Variants in UBN2 observed in about 807,000 individuals in gnomAD.
The protein encoded by UBN2 is ubinuclein-2.
Under a neutral mutation model 120.2 loss-of-function variants are expected in UBN2, and 35 were observed. The observed-to-expected ratio is 0.29, with a 90% CI of 0.22 to 0.39. The LOEUF is 0.39. Ranked by LOEUF, UBN2 falls within the 10% of genes least tolerant of loss-of-function variation. UBN2 has a pLI of 1.00. For missense variants in UBN2, 1,693 were observed against 1,663.2 expected (o/e 1.02, Z -0.31); for synonymous variants, 661 against 648.7 (o/e 1.02, Z -0.29).
rs1483856459 is a variant in UBN2, at chr7:139,300,970, A to AT, written c.*3138dup. The AT allele has an allele frequency of 1.3e-5, 2 of 152,202 alleles. No homozygotes were observed. Among genetic ancestry groups the AT allele is most frequent in the Non-Finnish European group, 2.9e-5 (2 of 68,030 alleles). 9.4% of individuals were successfully genotyped at this position (152,202 alleles called of 1,614,324 possible). On this transcript the variant is annotated 3_prime_UTR_variant, in exon 18 of 18. Transcript: ENST00000473989. The stretch of plus-strand genomic sequence containing the variant: ...AGGTCAGAGGGTAAATGAAATCGTG[A>AT]TTTTAAAACAGCCTGAAGAAAAAGG...
At chr7:139,315,922 C>T in the UBN2 span, among the ~76,000 whole-genome samples, 1 of 151,648 alleles carries the variant, frequency 6.6e-6, no homozygotes, top group Non-Finnish European at 1.5e-5. Context: ...ACTAAAAACA[C>T]AAAAATTAGC....
At chr7:139,324,417 G>A in the UBN2 span, among the ~76,000 whole-genome samples, 2 of 151,952 alleles carry the variant, frequency 1.3e-5, no homozygotes, top group East Asian at 2.0e-4. Context: ...ATAGCTGGGC[G>A]CAGTGGCAGG....
the UBN2 span, among the ~76,000 whole-genome samples, chr7:139,318,852 T>C: frequency 1.3e-5 from 2 of 152,148 alleles, no homozygotes; most frequent in Non-Finnish European, 2.9e-5. Context: ...CACAAATTCA[T>C]GCGCGTGGTA....
In UBN2 at chr7:139,291,872, A is replaced by T. The variant is rs925375263; in HGVS notation, c.3670-1360A>T. ...CCGTCTCTAAAAAAAATAATAATAA[A>T]TTTTTTTTAAATAAAAAAGTCAAAA... On this transcript the variant is annotated intron_variant, in intron 15 of 17. Transcript: ENST00000473989. 5.9e-5 allele frequency among the ~76,000 whole-genome samples: 9 copies of T among 152,116 alleles called. No individual in the cohort carries two copies. The East Asian group carries it at 7.7e-4, about 13-fold the overall frequency.
At chr7:139,323,612 G>A in the UBN2 span, among the ~76,000 whole-genome samples, 350 of 148,688 alleles carry the variant, frequency 2.4e-3, 3 homozygotes, top group Non-Finnish European at 3.8e-3. Flanking sequence ...TTTTTGAGAC[G>A]GAGTCTCACT....
chr7:139,276,324 AAC>A (rs1186109255), intron 12 of UBN2, 177 bp downstream of exon 12: 23 of 626,350 alleles, frequency 3.7e-5, no homozygotes, highest in South Asian at 1.9e-4. Flanking sequence ...GTACTCTCTA[AAC>A]ACCTACTAAA....
At chr7:139,251,630 A>G (rs1656470208) in intron 2 of UBN2, among the ~76,000 whole-genome samples, 1 of 152,226 alleles carries the variant, frequency 6.6e-6, no homozygotes, top group South Asian at 2.1e-4. Context: ...TACTGAGAAG[A>G]TCACAGAGGT....
intron 3 of UBN2, among the ~76,000 whole-genome samples, chr7:139,253,664 A>G (rs1243334856): frequency 1.3e-5 from 2 of 152,236 alleles, no homozygotes; most frequent in African/African-American, 4.8e-5. Flanking sequence ...TTAGGAGAGC[A>G]TTTAAGGACT....
At position 139,306,721 on chromosome 7, in the gene UBN2, A is replaced by G. The variant is rs900454785; in HGVS notation, c.*8885A>G. 1 of 152,230 alleles carries G rather than the reference A, an allele frequency of 6.6e-6. No individual in the cohort carries two copies. The highest frequency in any genetic ancestry group is 2.4e-5 in the African/African-American group (1 of 41,466). The allele number at this position is 152,230 out of a possible 1,614,324, so 9.4% of individuals were successfully genotyped here. On this transcript the variant is annotated 3_prime_UTR_variant, in exon 18 of 18. Transcript: ENST00000473989. Reference sequence around the variant, plus strand: ...ATCAAAAATACCAAATTGGTCTTTCAGAGAGTATGTAAATCTGGGGCTTGC... The same window carrying G: ...ATCAAAAATACCAAATTGGTCTTTCGGAGAGTATGTAAATCTGGGGCTTGC...
At chr7:139,263,325 G>A (rs932712146) in intron 6 of UBN2, among the ~76,000 whole-genome samples, 1 of 152,064 alleles carries the variant, frequency 6.6e-6, no homozygotes, top group Non-Finnish European at 1.5e-5. Flanking sequence ...GCATACCAAG[G>A]ATACAAAGTT....
At chr7:139,277,787 C>T (rs368900186) in intron 12 of UBN2, 3 of 152,214 alleles carry the variant, frequency 2.0e-5, no homozygotes, top group African/African-American at 7.2e-5. Flanking sequence ...AGACAATATA[C>T]TCCAAGATGC....
At chr7:139,321,762 A>G in the UBN2 span, among the ~76,000 whole-genome samples, 1 of 152,052 alleles carries the variant, frequency 6.6e-6, no homozygotes. Flanking sequence ...CCCAGACTCA[A>G]CTCATGGAGT....
intron 2 of UBN2, among the ~76,000 whole-genome samples, chr7:139,246,331 C>T (rs1443916350): frequency 6.6e-6 from 1 of 152,146 alleles, no homozygotes; most frequent in Admixed American, 6.5e-5. Flanking sequence ...TACCACTGCA[C>T]TCCAGCCTGA....
At chr7:139,256,357 C>G (rs529587980) in intron 3 of UBN2, among the ~76,000 whole-genome samples, 1 of 152,220 alleles carries the variant, frequency 6.6e-6, no homozygotes, top group South Asian at 2.1e-4. Flanking sequence ...TTTTCTTACA[C>G]CAAATTATCA....
chr7:139,273,996 A>C lies in UBN2; in HGVS notation c.1895A>C (p.Gln632Pro). ...GCYELEPNKS[Q>P]SAEDYLKSFM... is the part of the protein sequence containing the mutation. ...TATGAGTTAGAACCAAATAAAAGCC[A>C]GTCTGCTGAAGATTATCTTAAGTCT... The change falls in exon 11 of 18, where the codon CAG becomes CCG. Residue 632 changes from glutamine to proline, a missense_variant. By Grantham distance (76) the Gln-to-Pro change is moderately conservative (BLOSUM62 -1). Transcript: ENST00000473989. The C allele has an allele frequency of 6.2e-7, 1 of 1,614,010 alleles. No individual in the cohort carries two copies. The highest frequency in any genetic ancestry group is 8.5e-7 in the Non-Finnish European group (1 of 1,179,940).
At position 139,304,983 on chromosome 7, in the gene UBN2, A is replaced by G. The variant is rs969625893; in HGVS notation, c.*7147A>G. 7 of 152,130 alleles carry G rather than the reference A, an allele frequency of 4.6e-5. No individual in the cohort carries two copies. The highest frequency in any genetic ancestry group is 1.2e-4 in the African/African-American group (5 of 41,432). 9.4% of individuals were successfully genotyped at this position (152,130 alleles called of 1,614,324 possible). A position where few individuals can be genotyped will look rare whatever the true frequency, so the allele number is the denominator to read the frequency against. Reference sequence around the variant, plus strand: ...ATAGAGATACTTTGTGTGTTCATCTATCGTAAAATGTGAACTCTGTATTCA... The same window carrying G: ...ATAGAGATACTTTGTGTGTTCATCTGTCGTAAAATGTGAACTCTGTATTCA... On this transcript the variant is annotated 3_prime_UTR_variant, in exon 18 of 18. Coordinates refer to ENST00000473989, the MANE Select transcript of UBN2 (RefSeq NM_173569.4).
rs1169726981 is a variant in UBN2, at chr7:139,261,739, G to T, written c.1393G>T (p.Val465Leu). The T allele has an allele frequency of 2.5e-6, 4 of 1,607,424 alleles. No homozygotes were observed. The highest frequency in any genetic ancestry group is 3.4e-6 in the Non-Finnish European group (4 of 1,175,102). Residue 465 changes from valine (V) to leucine (L), a missense_variant and splice_region_variant, in exon 6 of 18, where the codon GTA becomes TTA. By Grantham distance (32) the Val-to-Leu change is conservative. Transcript: ENST00000473989. ...LLEKRIEDLR[V>L]AAKLFDEEGR... is the part of the protein sequence containing the mutation. Reference sequence around the variant, plus strand: ...TGAAAAACGTATCGAAGACCTTCGTGTAGTAAGTGTAATAATTCTCTTGCT... The same window carrying T: ...TGAAAAACGTATCGAAGACCTTCGTTTAGTAAGTGTAATAATTCTCTTGCT...
At chr7:139,236,561 T>C (rs777662454) in intron 1 of UBN2, among the ~76,000 whole-genome samples, 34 of 152,252 alleles carry the variant, frequency 2.2e-4, no homozygotes, top group Non-Finnish European at 4.6e-4. Context: ...AGTGAGATTT[T>C]CATATTTAGC....
chr7:139,261,505 A>G lies in UBN2; in HGVS notation c.1159A>G (p.Thr387Ala), dbSNP rs1295840406. 4 of 1,614,088 alleles carry G rather than the reference A, an allele frequency of 2.5e-6. No homozygotes were observed. In the Admixed American group the frequency reaches 5.0e-5, roughly 20 times the overall value. ...TCCAGACCTTCCCATTTTTGTTAGCACAAATGAACATGAGCTGTTTCAGGA... is the reference window on the plus strand; with the variant it reads ...TCCAGACCTTCCCATTTTTGTTAGCGCAAATGAACATGAGCTGTTTCAGGA... ...GDPDLPIFVS[T>A]NEHELFQEAE... The change falls in exon 6 of 18, where the codon ACA (threonine) becomes GCA (alanine). Residue 387 changes from threonine (T) to alanine (A), a missense_variant. Physicochemically the swap from Thr to Ala is moderately conservative, Grantham distance 58. Coordinates refer to ENST00000473989, the MANE Select transcript of UBN2 (RefSeq NM_173569.4).
Sources: gnomAD v4.1 joint callset for allele counts (sites outside exome capture counted in the v4.1 genomes callset) on GRCh38, gnomAD v4.1.1 for gene constraint, MANE v1.5 for transcripts, NCBI Gene and HGNC (gene_info 2026-07-23, HGNC 2026-07-21) for gene names.